The following OXR1 variants were observed in gnomAD, a reference collection of about 807,000 sequenced individuals.
The protein encoded by OXR1 is oxidation resistance protein 1.
Under a neutral mutation model 104.6 loss-of-function variants are expected in OXR1, and 41 were observed. That is an observed-to-expected ratio of 0.39 (90% CI 0.31 to 0.51). The LOEUF (loss-of-function observed/expected upper bound fraction) is 0.51. Ranked by LOEUF, OXR1 falls within the 20% of genes least tolerant of loss-of-function variation. The probability of loss-of-function intolerance (pLI) is 0.77; values close to 1 mark genes in which losing one functional copy is unlikely to be tolerated. For synonymous variants in OXR1, 348 were observed against 348.4 expected (o/e 1.00, Z 0.01); for missense variants, 955 against 1,031.9 (o/e 0.93, Z 1.02).
At chr8:106,388,589 A>AT (rs1201610202) in intron 2 of OXR1, among the ~76,000 whole-genome samples, 1 of 151,886 alleles carries the variant, frequency 6.6e-6, no homozygotes, top group African/African-American at 2.4e-5. Flanking sequence ...CACCTGGCTA[A>AT]TTTTTTGTAT....
At chr8:106,302,188 T>A (rs1813263233) in intron 1 of OXR1, among the ~76,000 whole-genome samples, 1 of 152,166 alleles carries the variant, frequency 6.6e-6, no homozygotes, top group South Asian at 2.1e-4. Flanking sequence ...CATTCTTCAG[T>A]CAAAATAACT....
At chr8:106,278,099 T>C (rs1812131078) in intron 1 of OXR1, among the ~76,000 whole-genome samples, 1 of 152,208 alleles carries the variant, frequency 6.6e-6, no homozygotes, top group Non-Finnish European at 1.5e-5. Context: ...TTCTGTACCA[T>C]TACTGAATAT....
intron 2 of OXR1, among the ~76,000 whole-genome samples, chr8:106,449,300 G>T (rs1820188312): frequency 6.6e-6 from 1 of 152,066 alleles, no homozygotes. Context: ...ACAAGGAAAA[G>T]CATTCATAGC....
chr8:106,677,190 A>ATTC (rs1827687723), intron 3 of OXR1, among the ~76,000 whole-genome samples: 1 of 25,470 alleles, frequency 3.9e-5, no homozygotes, highest in African/African-American at 4.2e-4. Flanking sequence ...TTGCAAGTTT[A>ATTC]ATTTGCTATT....
At chr8:106,684,437 C>A (rs1291074910) in intron 6 of OXR1, 78 bp downstream of exon 6, 25 of 727,710 alleles carry the variant, frequency 3.4e-5, no homozygotes, top group South Asian at 1.6e-5. Flanking sequence ...TTTTTACATT[C>A]CATTTTGACT....
intron 1 of OXR1, among the ~76,000 whole-genome samples, chr8:106,337,704 T>C (rs1037884786): frequency 6.6e-6 from 1 of 152,228 alleles, no homozygotes; most frequent in Non-Finnish European, 1.5e-5. Flanking sequence ...TGAGGTCATA[T>C]CTTTTCCTTC....
intron 3 of OXR1, among the ~76,000 whole-genome samples, chr8:106,546,957 T>A (rs1276783331): frequency 1.3e-5 from 2 of 152,194 alleles, no homozygotes; most frequent in African/African-American, 4.8e-5. Flanking sequence ...AGTGATGCAA[T>A]CTCGGCTCAC....
chr8:106,739,092 ACACACAC>A (rs1834677645), intron 12 of OXR1, among the ~76,000 whole-genome samples: 1 of 149,300 alleles, frequency 6.7e-6, no homozygotes, highest in Non-Finnish European at 1.5e-5. Context: ...ACACACACAC[ACACACAC>A]ACACACACAC....
Position 106,629,632 on chromosome 8 carries a change from TA to T in OXR1, c.221-49572del, listed in dbSNP as rs1403496741. On this transcript the variant is annotated intron_variant, in intron 3 of 16. Transcript: ENST00000517566. ...CTATTGGTTATTATGTAATAATATG[TA>T]AAAAACACCAGTACAGAAATACTTC... 2.6e-5 allele frequency among the ~76,000 whole-genome samples: 4 copies of T among 152,326 alleles called. No homozygotes were observed. In the East Asian group the frequency reaches 7.7e-4, roughly 29 times the overall value.
chr8:106,296,253 C>A (rs1314845193), intron 1 of OXR1, among the ~76,000 whole-genome samples: 1 of 152,152 alleles, frequency 6.6e-6, no homozygotes, highest in East Asian at 1.9e-4. Flanking sequence ...TTTCGCTTAG[C>A]TACAGGTGAG....
chr8:106,389,435 CAT>C (rs1373883011), intron 2 of OXR1, among the ~76,000 whole-genome samples: 4 of 152,176 alleles, frequency 2.6e-5, no homozygotes, highest in Non-Finnish European at 5.9e-5. Context: ...AATTAATAAA[CAT>C]GAATACTATA....
At chr8:106,439,901 T>G (rs544794545) in intron 2 of OXR1, among the ~76,000 whole-genome samples, 2 of 152,250 alleles carry the variant, frequency 1.3e-5, no homozygotes, top group Admixed American at 6.5e-5. Flanking sequence ...TTTAAAGCTC[T>G]TATGTGAATA....
At position 106,649,758 on chromosome 8, in the gene OXR1, G is replaced by A. The variant is rs1332363471; in HGVS notation, c.221-29452G>A. 3.9e-5 allele frequency among the ~76,000 whole-genome samples: 6 copies of A among 152,004 alleles called. No individual in the cohort carries two copies. The East Asian group carries it at 7.8e-4, about 20-fold the overall frequency. On this transcript the variant is annotated intron_variant, in intron 3 of 16. Transcript: ENST00000517566. ...GTCGCCCAGGCTGGAGTGCAGTGGC[G>A]CGGTCTCGGCTCACTGCAACCTCTG...
At chr8:106,571,852 A>C (rs1817495353) in intron 3 of OXR1, among the ~76,000 whole-genome samples, 1 of 152,214 alleles carries the variant, frequency 6.6e-6, no homozygotes, top group South Asian at 2.1e-4. Flanking sequence ...AACAGGAAAG[A>C]AGGAAGGCAT....
intron 1 of OXR1, among the ~76,000 whole-genome samples, chr8:106,286,376 T>G (rs1248265434): frequency 6.7e-5 from 3 of 44,644 alleles, no homozygotes; most frequent in Non-Finnish European, 1.3e-4. Context: ...AGTTAGGGTT[T>G]TTTTTTTTTT....
intron 3 of OXR1, chr8:106,618,175 A>G (rs1372031806): frequency 6.5e-7 from 1 of 1,535,920 alleles, no homozygotes; most frequent in Non-Finnish European, 8.7e-7. Flanking sequence ...ATGTTCTGCC[A>G]GCGCAAAGGT....
chr8:106,377,618 C>G (rs985408479), intron 2 of OXR1, among the ~76,000 whole-genome samples: 3 of 152,170 alleles, frequency 2.0e-5, no homozygotes, highest in Admixed American at 6.6e-5. Context: ...ATTTGCTAAT[C>G]TATGCTGGAT....
chr8:106,413,864 C>T (rs757655595), intron 2 of OXR1, among the ~76,000 whole-genome samples: 6 of 151,772 alleles, frequency 4.0e-5, no homozygotes, highest in Non-Finnish European at 7.4e-5. Context: ...GCTGGGATTA[C>T]AGGCACCTGC....
At chr8:106,370,306 G>A (rs1192912739) in intron 2 of OXR1, among the ~76,000 whole-genome samples, 6 of 152,154 alleles carry the variant, frequency 3.9e-5, no homozygotes, top group Admixed American at 2.6e-4. Flanking sequence ...AGGCTGACAC[G>A]ATAGGGTTTT....
Sources: gnomAD v4.1 joint callset for allele counts (sites outside exome capture counted in the v4.1 genomes callset) on GRCh38, gnomAD v4.1.1 for gene constraint, MANE v1.5 for transcripts, NCBI Gene and HGNC (gene_info 2026-07-23, HGNC 2026-07-21) for gene names.